LRP1B: variants seen among roughly 807,000 people sequenced by gnomAD.
LRP1B encodes the protein LDL receptor related protein 1B.
Under a neutral mutation model 556.6 loss-of-function variants are expected in LRP1B, and 217 were observed. The ratio of observed to expected loss-of-function variants is 0.39; its 90% CI spans 0.35 to 0.44. The LOEUF (loss-of-function observed/expected upper bound fraction) is 0.44. LRP1B is among the 20% of genes least tolerant of loss of function. LRP1B has a pLI of 1.00. For missense variants in LRP1B, 5,053 were observed against 5,620.8 expected (o/e 0.90, Z 3.23); for synonymous variants, 2,047 against 1,865.8 (o/e 1.10, Z -2.50).
chr2:140,658,406 T>TTATA (rs1684964226), intron 41 of LRP1B, among the ~76,000 whole-genome samples: 1 of 152,050 alleles, frequency 6.6e-6, no homozygotes, highest in African/African-American at 2.4e-5. Flanking sequence ...TCTAATGGCT[T>TTATA]TATATACTGC....
At chr2:141,450,722 T>G (rs527638480) in intron 3 of LRP1B, among the ~76,000 whole-genome samples, 2 of 152,208 alleles carry the variant, frequency 1.3e-5, no homozygotes, top group East Asian at 3.9e-4. Context: ...TCTTCATTTA[T>G]TTGAATTGAT....
chr2:140,559,499 A>G (rs1302932086), intron 43 of LRP1B, among the ~76,000 whole-genome samples: 1 of 152,132 alleles, frequency 6.6e-6, no homozygotes, highest in Non-Finnish European at 1.5e-5. Flanking sequence ...TCAACTGCAG[A>G]TTTGTAACAG....
chr2:140,766,608 C>T (rs1031338044), intron 35 of LRP1B, among the ~76,000 whole-genome samples: 1 of 138,864 alleles, frequency 7.2e-6, no homozygotes, highest in Non-Finnish European at 1.6e-5. Context: ...CTTTAAGCAT[C>T]AGCTCTACAG....
chr2:141,365,803 G>A (rs1689011655), intron 3 of LRP1B, among the ~76,000 whole-genome samples: 1 of 151,226 alleles, frequency 6.6e-6, no homozygotes, highest in Non-Finnish European at 1.5e-5. Flanking sequence ...CTCCTGAGTA[G>A]CTGGGACTAC....
At chr2:140,554,955 T>A (rs1040000153) in intron 43 of LRP1B, among the ~76,000 whole-genome samples, 4 of 151,820 alleles carry the variant, frequency 2.6e-5, no homozygotes, top group African/African-American at 9.7e-5. Flanking sequence ...AATCTTTTCT[T>A]TGTGGAATGG....
chr2:141,905,765 A>ATGTGTGTG (rs56309590), intron 1 of LRP1B, among the ~76,000 whole-genome samples: 5,375 of 100,194 alleles, frequency 0.054, 179 homozygotes, highest in Middle Eastern at 0.079. Flanking sequence ...GTTTGAATAG[A>ATGTGTGTG]TGTGTGTGTG....
At chr2:142,091,105 T>C (rs897499012) in intron 1 of LRP1B, among the ~76,000 whole-genome samples, 3 of 152,092 alleles carry the variant, frequency 2.0e-5, no homozygotes, top group Non-Finnish European at 4.4e-5. Context: ...TTAGAGAAAC[T>C]TCTGTAATTA....
intron 3 of LRP1B, chr2:141,286,806 TCTC>T (rs1328478006): frequency 3.4e-5 from 13 of 380,844 alleles, no homozygotes; most frequent in Admixed American, 3.3e-4. Context: ...TTTACAACAC[TCTC>T]CTATTTTCCT....
intron 3 of LRP1B, among the ~76,000 whole-genome samples, chr2:141,414,231 C>A (rs1690988340): frequency 9.6e-6 from 1 of 103,904 alleles, no homozygotes. Context: ...GAGTGAGACT[C>A]TATCTCAAAA....
chr2:142,045,134 C>A (rs1179440622), intron 1 of LRP1B, among the ~76,000 whole-genome samples: 1 of 42,750 alleles, frequency 2.3e-5, no homozygotes, highest in Non-Finnish European at 6.6e-5. Flanking sequence ...ACAATATTAC[C>A]CAAGGGGGAA....
Position 140,512,749 on chromosome 2 carries a change from T to C in LRP1B, c.8269+1904A>G, listed in dbSNP as rs74755729. 4.0e-3 allele frequency among the ~76,000 whole-genome samples: 609 copies of C among 152,296 alleles called. 21 individuals carry two copies. In the East Asian group the frequency reaches 0.084, roughly 21 times the overall value. On this transcript the variant is annotated intron_variant, in intron 51 of 90. Transcript: ENST00000389484. Reference sequence around the variant, plus strand: ...TGTTTACATCCTGCATCAGAATATTTTGAATTGGAAATTGGGAAACAACAT... The same window carrying C: ...TGTTTACATCCTGCATCAGAATATTCTGAATTGGAAATTGGGAAACAACAT...
chr2:140,378,149 G>T, intron 68 of LRP1B, 31 bp downstream of exon 68: 1 of 1,443,716 alleles, frequency 6.9e-7, no homozygotes, highest in Non-Finnish European at 9.7e-7. Flanking sequence ...CTAAAGCGCT[G>T]CTTTCTTTTT....
At chr2:140,645,164 A>C (rs1684436402) in intron 41 of LRP1B, among the ~76,000 whole-genome samples, 1 of 152,132 alleles carries the variant, frequency 6.6e-6, no homozygotes, top group African/African-American at 2.4e-5. Flanking sequence ...AGTTTTCTTC[A>C]ATGCCCATTT....
chr2:140,856,756 C>CACAT (rs1692631074), intron 27 of LRP1B, among the ~76,000 whole-genome samples: 1 of 101,114 alleles, frequency 9.9e-6, no homozygotes, highest in South Asian at 2.5e-4. Flanking sequence ...CACACACACA[C>CACAT]ACACACACAC....
rs1489370079 is a variant in LRP1B at position 141,204,939 on chromosome 2, A to AT, written c.851-16357dup. Reference sequence around the variant, plus strand: ...GTGACAGAGCAAGACTCTGTCTCAGATAAAAAAAAAGGAAAAAGAAAAAAA... The same window carrying AT: ...GTGACAGAGCAAGACTCTGTCTCAGATTAAAAAAAAAGGAAAAAGAAAAAAA... On this transcript the variant is annotated intron_variant, in intron 6 of 90. Coordinates refer to ENST00000389484, the MANE Select transcript of LRP1B (RefSeq NM_018557.3). Among the ~76,000 whole-genome samples, 5 of 151,854 alleles carry AT rather than the reference A, an allele frequency of 3.3e-5. No individual in the cohort carries two copies. In the East Asian group the frequency reaches 7.7e-4, roughly 23 times the overall value.
At chr2:140,778,889 C>T (rs969909328) in intron 32 of LRP1B, among the ~76,000 whole-genome samples, 1 of 151,804 alleles carries the variant, frequency 6.6e-6, no homozygotes, top group South Asian at 2.1e-4. Context: ...TAGACCATTG[C>T]CACTGTCCTA....
At chr2:142,002,313 G>A (rs1232201385) in intron 1 of LRP1B, among the ~76,000 whole-genome samples, 5 of 151,872 alleles carry the variant, frequency 3.3e-5, no homozygotes, top group Admixed American at 3.3e-4. Flanking sequence ...GCACAAAATT[G>A]GGAGAGTTTT....
In LRP1B at chr2:140,455,238, T is replaced by C. The variant is rs181713948; in HGVS notation, c.9963+1217A>G. ...TACACAAATACTCAGGGACTTATAA[T>C]TAGAATAACACATTTTGTAATAAAA... On this transcript the variant is annotated intron_variant, in intron 62 of 90. Transcript: ENST00000389484. 2.6e-3 allele frequency among the ~76,000 whole-genome samples: 401 copies of C among 152,312 alleles called. 2 individuals are homozygous for C. Among genetic ancestry groups the C allele is most frequent in the Non-Finnish European group, 2.4e-3 (164 of 68,030 alleles).
chr2:141,145,089 A>G (rs1276297264), intron 7 of LRP1B, among the ~76,000 whole-genome samples: 1 of 152,216 alleles, frequency 6.6e-6, no homozygotes, highest in African/African-American at 2.4e-5. Flanking sequence ...TAAAAATTTA[A>G]GAAACTTTTT....
Sources: allele counts gnomAD v4.1 joint callset (sites outside exome capture counted in the v4.1 genomes callset), GRCh38; gene constraint gnomAD v4.1.1; transcripts MANE v1.5; gene names NCBI Gene and HGNC (gene_info 2026-07-23, HGNC 2026-07-21).